EYA4: variants seen among roughly 807,000 people sequenced by gnomAD.
The protein encoded by EYA4 is protein phosphatase EYA4.
In EYA4, 31 loss-of-function variants were observed where a neutral mutation model predicts 87.9. The observed-to-expected ratio is 0.35, with a 90% CI of 0.27 to 0.48. EYA4 has a LOEUF of 0.48. EYA4 is among the 20% of genes least tolerant of loss of function. The pLI, the probability that EYA4 is intolerant of heterozygous loss-of-function variation, is 0.99. For missense variants in EYA4, 678 were observed against 761.4 expected, an observed-to-expected ratio of 0.89 and a Z score of 1.29; for synonymous variants, 263 against 270.6, an observed-to-expected ratio of 0.97 and a Z score of 0.28.
chr6:133,461,047 A>G (rs1794337067), intron 6 of EYA4, 67 bp from the exon 7 acceptor site: 2 of 1,019,942 alleles, frequency 2.0e-6, no homozygotes, highest in African/African-American at 1.6e-5. Context: ...CAAATTGGTT[A>G]TGTACACTCT....
intron 1 of EYA4, among the ~76,000 whole-genome samples, chr6:133,263,994 A>AG (rs1776002616): frequency 6.6e-6 from 1 of 152,232 alleles, no homozygotes; most frequent in African/African-American, 2.4e-5. Flanking sequence ...TTAAAGCAGT[A>AG]GGGAATGTAC....
intron 2 of EYA4, among the ~76,000 whole-genome samples, chr6:133,296,167 A>T (rs1162246695): frequency 6.6e-6 from 1 of 152,180 alleles, no homozygotes; most frequent in Admixed American, 6.5e-5. Flanking sequence ...GTGCTCCTCA[A>T]GTGGGGACTT....
Position 133,427,621 on chromosome 6 carries a change from G to A in EYA4, c.84-19009G>A, listed in dbSNP as rs544723634. ...AAGTCCTTAGCTCAAAATTTGACAC[G>A]TACTAGATATGTGTTAAATAGTTGA... On this transcript the variant is annotated intron_variant, in intron 3 of 19. Coordinates refer to ENST00000355286, the MANE Select transcript of EYA4 (RefSeq NM_004100.5). Among the ~76,000 whole-genome samples, 15 of 152,156 alleles carry A rather than the reference G, an allele frequency of 9.9e-5. 1 individual carries two copies. The highest frequency in any genetic ancestry group is 2.6e-4 in the African/African-American group (11 of 41,512).
intron 1 of EYA4, among the ~76,000 whole-genome samples, chr6:133,273,744 AAC>A (rs1464213798): frequency 6.6e-6 from 1 of 152,208 alleles, no homozygotes; most frequent in Non-Finnish European, 1.5e-5. Context: ...TGTGAATTTG[AAC>A]ACAGTTTTAT....
intron 3 of EYA4, among the ~76,000 whole-genome samples, chr6:133,402,953 G>A (rs1019639555): frequency 6.6e-6 from 1 of 152,136 alleles, no homozygotes; most frequent in Admixed American, 6.5e-5. Flanking sequence ...AGCCCCTCCA[G>A]CACCCACTCT....
At chr6:133,353,986 A>T (rs1783827827) in intron 2 of EYA4, among the ~76,000 whole-genome samples, 1 of 152,214 alleles carries the variant, frequency 6.6e-6, no homozygotes, top group African/African-American at 2.4e-5. Context: ...TTTAGTACTC[A>T]TGTGAGGGAA....
At chr6:133,444,058 C>T (rs1450280289) in intron 3 of EYA4, among the ~76,000 whole-genome samples, 1 of 152,142 alleles carries the variant, frequency 6.6e-6, no homozygotes, top group African/African-American at 2.4e-5. Flanking sequence ...TAACGCTTTC[C>T]AAATCTTACG....
At chr6:133,296,035 G>A (rs1778919620) in intron 2 of EYA4, among the ~76,000 whole-genome samples, 1 of 152,186 alleles carries the variant, frequency 6.6e-6, no homozygotes, top group Admixed American at 6.5e-5. Flanking sequence ...GTGGAGGTCG[G>A]TGATCAGGGA....
chr6:133,457,639 T>C (rs1794022102), intron 6 of EYA4, among the ~76,000 whole-genome samples: 1 of 152,178 alleles, frequency 6.6e-6, no homozygotes, highest in East Asian at 1.9e-4. Context: ...TAAATATTAG[T>C]ACTCCAAGAA....
intron 13 of EYA4, among the ~76,000 whole-genome samples, chr6:133,496,131 A>G (rs79400895): frequency 0.031 from 4,765 of 152,268 alleles, 230 homozygotes; most frequent in African/African-American, 0.11. Context: ...TATTCTGATG[A>G]TTAGTTAAGT....
chr6:133,313,045 T>G (rs1780352880), intron 2 of EYA4, among the ~76,000 whole-genome samples: 1 of 152,192 alleles, frequency 6.6e-6, no homozygotes, highest in Non-Finnish European at 1.5e-5. Flanking sequence ...CATTTTCTTC[T>G]TAGTAAGCAG....
intron 11 of EYA4, among the ~76,000 whole-genome samples, chr6:133,472,521 G>A (rs1426038124): frequency 4.1e-5 from 3 of 72,736 alleles, no homozygotes; most frequent in Admixed American, 3.4e-4. Context: ...CAAGTATGTG[G>A]TCAATTTTGG....
At chr6:133,351,353 C>T (rs561532941) in intron 2 of EYA4, among the ~76,000 whole-genome samples, 3 of 152,288 alleles carry the variant, frequency 2.0e-5, no homozygotes, top group Non-Finnish European at 2.9e-5. Flanking sequence ...TTGGCCCTTT[C>T]TTTTGCACAG....
At chr6:133,355,937 C>G (rs1234388103) in intron 2 of EYA4, among the ~76,000 whole-genome samples, 1 of 151,896 alleles carries the variant, frequency 6.6e-6, no homozygotes, top group African/African-American at 2.4e-5. Context: ...GCATTTCTCA[C>G]AGGTCTGGAG....
At chr6:133,491,887 G>A (rs1261020592) in intron 13 of EYA4, among the ~76,000 whole-genome samples, 1 of 144,974 alleles carries the variant, frequency 6.9e-6, no homozygotes, top group Non-Finnish European at 1.5e-5. Flanking sequence ...GGGTGGCAGA[G>A]CTTGCAGTGA....
At chr6:133,396,045 A>G (rs1038477176) in intron 3 of EYA4, among the ~76,000 whole-genome samples, 2 of 151,936 alleles carry the variant, frequency 1.3e-5, no homozygotes, top group South Asian at 4.2e-4. Context: ...CTTCTTTCCT[A>G]TCTTAGGATG....
intron 2 of EYA4, among the ~76,000 whole-genome samples, chr6:133,378,064 G>A (rs1785856271): frequency 6.6e-6 from 1 of 152,048 alleles, no homozygotes. Context: ...TTTCACAGGT[G>A]CATTCTTATC....
At chr6:133,417,700 G>A (rs1453374882) in intron 3 of EYA4, among the ~76,000 whole-genome samples, 1 of 148,246 alleles carries the variant, frequency 6.7e-6, no homozygotes, top group Non-Finnish European at 1.5e-5. Context: ...CAAAACAGCA[G>A]TCAAAACGTT....
Position 133,485,964 on chromosome 6 carries a change from C to T in EYA4, c.1191+2849C>T, listed in dbSNP as rs181363222. Among the ~76,000 whole-genome samples the T allele has an allele frequency of 3.3e-5, 5 of 152,224 alleles. No homozygotes were observed. The East Asian group carries it at 9.7e-4, about 29-fold the overall frequency. ...CTTTTGAGTCAGATAAACTTAAGTT[C>T]GAAAATCGAGTTCTGATGCTTACAG... On this transcript the variant is annotated intron_variant, in intron 13 of 19. Transcript: ENST00000355286.
Sources: allele counts gnomAD v4.1 joint callset (sites outside exome capture counted in the v4.1 genomes callset), GRCh38; gene constraint gnomAD v4.1.1; transcripts MANE v1.5; gene names NCBI Gene and HGNC (gene_info 2026-07-23, HGNC 2026-07-21).